The following SNTG1 variants were observed in gnomAD, a reference collection of about 807,000 sequenced individuals.
The protein encoded by SNTG1 is syntrophin gamma 1.
SNTG1 carries 39 observed loss-of-function variants against 74.7 expected under a neutral mutation model. The ratio of observed to expected loss-of-function variants is 0.52; its 90% CI spans 0.40 to 0.68. The LOEUF is 0.68. Among genes scored for constraint, SNTG1 ranks in the 30% least tolerant of loss-of-function variants. The probability of loss-of-function intolerance (pLI) is 0.00; values close to 1 mark genes in which losing one functional copy is unlikely to be tolerated. For missense variants in SNTG1, 685 were observed against 609.5 expected (o/e 1.12, Z -1.30); for synonymous variants, 254 against 217.1 (o/e 1.17, Z -1.49).
At chr8:50,553,018 G>A (rs995199782) in intron 11 of SNTG1, 32 bp from the exon 12 acceptor site, 7 of 1,612,028 alleles carry the variant, frequency 4.3e-6, no homozygotes, top group Admixed American at 3.3e-5. Flanking sequence ...ATGACATGAG[G>A]TTTTGATCTG....
intron 1 of SNTG1, among the ~76,000 whole-genome samples, chr8:49,971,171 A>T (rs1300417931): frequency 6.6e-6 from 1 of 152,196 alleles, no homozygotes; most frequent in Non-Finnish European, 1.5e-5. Flanking sequence ...CTTATTCACC[A>T]TGATCAAGAG....
chr8:50,044,429 A>C lies in SNTG1; in HGVS notation c.-102-128132A>C, dbSNP rs147382708. Among the ~76,000 whole-genome samples the C allele has an allele frequency of 3.5e-3, 537 of 152,342 alleles. 4 individuals are homozygous for C. The highest frequency in any genetic ancestry group is 0.012 in the African/African-American group (518 of 41,584). ...CAAAATTAAACCGGATTTCAAAAGC[A>C]CATTAAAATAACATAGTTGTGATAT... On this transcript the variant is annotated intron_variant, in intron 1 of 18. Transcript: ENST00000642720.
chr8:50,150,009 A>T (rs1221616345), intron 1 of SNTG1, among the ~76,000 whole-genome samples: 1 of 151,958 alleles, frequency 6.6e-6, no homozygotes, highest in African/African-American at 2.4e-5. Flanking sequence ...CACGATATTG[A>T]TTTTTCCTAT....
chr8:50,590,881 TA>T lies in SNTG1; in HGVS notation c.820del (p.Ile274SerfsTer7). On this transcript the variant is annotated frameshift_variant, in exon 13 of 19. Transcript: ENST00000642720. LOFTEE classifies it high-confidence loss of function. ...NISNLTKHNI[K>X]KINRNFPVNQ... is the part of the protein sequence containing the mutation. ...TTATTATTTATTTATCATTGCAGATTAAAAAAATCAACAGAAACTTTCCTGT... is the reference window on the plus strand; with the variant it reads ...TTATTATTTATTTATCATTGCAGATTAAAAAATCAACAGAAACTTTCCTGT... 12 of 1,563,018 alleles carry T rather than the reference TA, an allele frequency of 7.7e-6. No individual in the cohort carries two copies. Among genetic ancestry groups the T allele is most frequent in the African/African-American group, 1.4e-5 (1 of 73,260 alleles).
intron 8 of SNTG1, among the ~76,000 whole-genome samples, chr8:50,458,895 TG>T (rs1282647171): frequency 3.3e-5 from 5 of 152,194 alleles, no homozygotes; most frequent in African/African-American, 1.2e-4. Flanking sequence ...TGGTATTTTT[TG>T]AAGCTTAAAG....
intron 18 of SNTG1, among the ~76,000 whole-genome samples, chr8:50,772,323 A>T (rs2095629243): frequency 6.6e-6 from 1 of 152,044 alleles, no homozygotes; most frequent in Non-Finnish European, 1.5e-5. Context: ...AGTAAAATAA[A>T]ATTATCCTGG....
At chr8:50,594,283 TA>T (rs779151311) in intron 13 of SNTG1, among the ~76,000 whole-genome samples, 56 of 152,216 alleles carry the variant, frequency 3.7e-4, no homozygotes, top group Admixed American at 2.0e-3. Context: ...TACTCATTTT[TA>T]ACTGAAATTT....
intron 1 of SNTG1, among the ~76,000 whole-genome samples, chr8:49,967,992 C>T (rs1477040720): frequency 2.0e-5 from 3 of 152,180 alleles, no homozygotes; most frequent in Non-Finnish European, 4.4e-5. Flanking sequence ...TCCTATCCTT[C>T]AGTGTCTTGC....
chr8:49,941,338 C>T (rs1239498453), intron 1 of SNTG1, among the ~76,000 whole-genome samples: 1 of 152,042 alleles, frequency 6.6e-6, no homozygotes, highest in South Asian at 2.1e-4. Context: ...GGAACTCCTA[C>T]ACCTTTAAGG....
intron 13 of SNTG1, among the ~76,000 whole-genome samples, chr8:50,642,457 A>G (rs1329765195): frequency 1.3e-5 from 2 of 152,284 alleles, no homozygotes; most frequent in East Asian, 1.9e-4. Flanking sequence ...GGGACCTACA[A>G]GGATGTGTGC....
Position 50,689,709 on chromosome 8 carries a change from C to CT in SNTG1, c.1039-14885dup, listed in dbSNP as rs1198511701. Among the ~76,000 whole-genome samples, 4 of 152,124 alleles carry CT rather than the reference C, an allele frequency of 2.6e-5. No individual in the cohort carries two copies. The East Asian group carries it at 7.7e-4, about 29-fold the overall frequency. On this transcript the variant is annotated intron_variant, in intron 15 of 18. Coordinates refer to ENST00000642720, the MANE Select transcript of SNTG1 (RefSeq NM_018967.5). ...ATCAAGGATATTGGTCTAAAATTCT[C>CT]TTTTTTCGTTGTGTCTCTGCCAGGC...
intron 2 of SNTG1, among the ~76,000 whole-genome samples, chr8:50,261,837 G>A (rs2087208379): frequency 6.6e-6 from 1 of 152,012 alleles, no homozygotes; most frequent in Non-Finnish European, 1.5e-5. Context: ...TAAAACCATA[G>A]AAGGCTGAAA....
intron 13 of SNTG1, among the ~76,000 whole-genome samples, chr8:50,637,442 A>C (rs2095046269): frequency 6.6e-6 from 1 of 152,074 alleles, no homozygotes; most frequent in African/African-American, 2.4e-5. Context: ...AGTATGCCCA[A>C]AGTGAATAAA....
intron 1 of SNTG1, among the ~76,000 whole-genome samples, chr8:50,031,282 C>T (rs1817720688): frequency 6.6e-6 from 1 of 152,090 alleles, no homozygotes; most frequent in East Asian, 1.9e-4. Flanking sequence ...ATGTCATCTA[C>T]AAATAAGTTC....
intron 18 of SNTG1, among the ~76,000 whole-genome samples, chr8:50,776,459 A>G (rs1435909173): frequency 1.4e-5 from 2 of 147,462 alleles, no homozygotes; most frequent in East Asian, 2.0e-4. Context: ...ATATATTAAC[A>G]TATACTTATG....
At chr8:50,660,445 A>G (rs1203853724) in intron 15 of SNTG1, among the ~76,000 whole-genome samples, 1 of 147,866 alleles carries the variant, frequency 6.8e-6, no homozygotes, top group Non-Finnish European at 1.5e-5. Flanking sequence ...AAGAAAGAGA[A>G]AAAAGAAAGG....
At chr8:50,309,360 C>A (rs796260214) in intron 2 of SNTG1, among the ~76,000 whole-genome samples, 21 of 149,274 alleles carry the variant, frequency 1.4e-4, no homozygotes, top group African/African-American at 3.3e-4. Context: ...TTTTTTAAGA[C>A]AAAAAAAAAA....
intron 4 of SNTG1, among the ~76,000 whole-genome samples, chr8:50,404,862 A>G (rs544019960): frequency 2.0e-5 from 3 of 152,112 alleles, no homozygotes; most frequent in South Asian, 4.1e-4. Flanking sequence ...CTGCCTCTAC[A>G]TTTGACTATT....
intron 3 of SNTG1, among the ~76,000 whole-genome samples, chr8:50,396,733 T>C (rs1438274186): frequency 6.6e-6 from 1 of 152,220 alleles, no homozygotes; most frequent in Non-Finnish European, 1.5e-5. Context: ...TTTTAAAGTT[T>C]CATGAAAATA....
Sources: gnomAD v4.1 joint callset for allele counts (sites outside exome capture counted in the v4.1 genomes callset) on GRCh38, gnomAD v4.1.1 for gene constraint, MANE v1.5 for transcripts, NCBI Gene and HGNC (gene_info 2026-07-23, HGNC 2026-07-21) for gene names.